The following NRG1 variants were observed in gnomAD, a reference collection of about 807,000 sequenced individuals.
The protein encoded by NRG1 is pro-neuregulin-1, membrane-bound isoform.
NRG1 carries 18 observed loss-of-function variants against 63.8 expected under a neutral mutation model. The observed-to-expected ratio is 0.28, with a 90% CI of 0.19 to 0.42. The LOEUF (loss-of-function observed/expected upper bound fraction) is 0.42. Ranked by LOEUF, NRG1 falls within the 10% of genes least tolerant of loss-of-function variation. The probability of loss-of-function intolerance (pLI) is 1.00; values close to 1 mark genes in which losing one functional copy is unlikely to be tolerated. For synonymous variants in NRG1, 302 were observed against 301.3 expected (o/e 1.00, Z -0.02); for missense variants, 762 against 814.7 (o/e 0.94, Z 0.79).
At chr8:32,694,327 T>C (rs1021598215) in intron 5 of NRG1, among the ~76,000 whole-genome samples, 2 of 152,214 alleles carry the variant, frequency 1.3e-5, no homozygotes, top group Admixed American at 6.5e-5. Flanking sequence ...TTTTTTCCCA[T>C]AGATAAGTGT....
intron 1 of NRG1, among the ~76,000 whole-genome samples, chr8:31,644,294 G>T (rs77709205): frequency 1.3e-5 from 2 of 152,032 alleles, no homozygotes; most frequent in East Asian, 3.9e-4. Context: ...AATCTATACC[G>T]GATTTAAAAT....
intron 1 of NRG1, among the ~76,000 whole-genome samples, chr8:31,908,060 T>C (rs1053059421): frequency 1.3e-5 from 2 of 152,184 alleles, no homozygotes; most frequent in Non-Finnish European, 1.5e-5. Context: ...GCCATGCATA[T>C]GTGTATTTGG....
chr8:31,763,071 A>G (rs559446328), intron 1 of NRG1, among the ~76,000 whole-genome samples: 3 of 152,330 alleles, frequency 2.0e-5, no homozygotes, highest in South Asian at 4.1e-4. Context: ...GAGAAAAATC[A>G]TATAATCATC....
Position 31,898,335 on chromosome 8 carries a change from A to G in NRG1, c.37+258904A>G, listed in dbSNP as rs1415780468. On this transcript the variant is annotated intron_variant, in intron 1 of 10. Coordinates refer to the NRG1 transcript ENST00000519301. The stretch of plus-strand genomic sequence containing the variant: ...TATATTTTAATAACCACTATGTGCC[A>G]GGAACTGTGCTTCATATATATTATT... Among the ~76,000 whole-genome samples, 79 of 152,326 alleles carry G rather than the reference A, an allele frequency of 5.2e-4. 1 individual carries two copies. The highest frequency in any genetic ancestry group is 7.3e-5 in the Non-Finnish European group (5 of 68,038).
At chr8:31,845,139 A>AAATAAATAAATAAATG (rs1374334411) in intron 1 of NRG1, among the ~76,000 whole-genome samples, 2 of 151,870 alleles carry the variant, frequency 1.3e-5, no homozygotes, top group African/African-American at 4.8e-5. Context: ...ATAAATAAAT[A>AAATAAATAAATAAATG]AATAAAACAG....
At chr8:31,726,237 T>A (rs1175808268) in intron 1 of NRG1, among the ~76,000 whole-genome samples, 1 of 152,120 alleles carries the variant, frequency 6.6e-6, no homozygotes, top group Non-Finnish European at 1.5e-5. Context: ...TATATAAGTA[T>A]AACAAATAAA....
chr8:32,410,945 G>A (rs536153712), intron 1 of NRG1, among the ~76,000 whole-genome samples: 3 of 150,626 alleles, frequency 2.0e-5, no homozygotes, highest in Non-Finnish European at 4.4e-5. Context: ...GCGCAATCTC[G>A]GTTCACTGCA....
intron 1 of NRG1, among the ~76,000 whole-genome samples, chr8:31,806,536 C>G (rs17661466): frequency 0.23 from 35,375 of 151,974 alleles, 4,330 homozygotes; most frequent in Admixed American, 0.26. Flanking sequence ...ATATAGATTA[C>G]CTATCTTCCA....
intron 5 of NRG1, chr8:32,647,724 A>T (rs760980564): frequency 6.4e-7 from 1 of 1,562,536 alleles, no homozygotes; most frequent in South Asian, 1.2e-5. Context: ...GCCGATGGAG[A>T]TTTATTCCCC....
At chr8:31,806,028 C>T (rs1477030814) in intron 1 of NRG1, among the ~76,000 whole-genome samples, 1 of 151,874 alleles carries the variant, frequency 6.6e-6, no homozygotes, top group Non-Finnish European at 1.5e-5. Context: ...AGACACATAA[C>T]CAGAGATGAT....
chr8:32,395,921 T>C (rs1414758154), intron 1 of NRG1, among the ~76,000 whole-genome samples: 5 of 152,178 alleles, frequency 3.3e-5, no homozygotes, highest in Non-Finnish European at 7.4e-5. Context: ...GTGCAAGTTA[T>C]GGATCAAAGT....
exon 12 of NRG1, chr8:32,765,665 C>T (rs1284862854): frequency 6.6e-6 from 1 of 152,120 alleles, no homozygotes; most frequent in East Asian, 1.9e-4. Context: ...GATTTGTAAT[C>T]ACAAGTAATG....
intron 1 of NRG1, among the ~76,000 whole-genome samples, chr8:32,436,254 G>C (rs1346345002): frequency 1.3e-5 from 2 of 152,062 alleles, no homozygotes; most frequent in Non-Finnish European, 2.9e-5. Context: ...TCACTACCAC[G>C]AGTATTGTGT....
intron 1 of NRG1, among the ~76,000 whole-genome samples, chr8:32,462,390 A>G (rs2129489289): frequency 6.6e-6 from 1 of 152,300 alleles, no homozygotes; most frequent in South Asian, 2.1e-4. Context: ...AGAGAATTAC[A>G]TTCCTAGAAC....
At chr8:32,380,946 A>C (rs1210381024) in intron 1 of NRG1, among the ~76,000 whole-genome samples, 1 of 152,170 alleles carries the variant, frequency 6.6e-6, no homozygotes, top group Non-Finnish European at 1.5e-5. Context: ...AGCTATGTTG[A>C]AATGTACAAT....
downstream of NRG1, among the ~76,000 whole-genome samples, chr8:32,768,896 C>A (rs796451602): frequency 9.8e-5 from 15 of 152,314 alleles, no homozygotes; most frequent in African/African-American, 3.6e-4. Context: ...CTAGTTATGG[C>A]TCCTCTAGGA....
chr8:32,420,820 A>G (rs1450715261), intron 1 of NRG1, among the ~76,000 whole-genome samples: 1 of 152,162 alleles, frequency 6.6e-6, no homozygotes, highest in Non-Finnish European at 1.5e-5. Context: ...TAGTCCTCAT[A>G]ATCCCCATGT....
At chr8:32,261,480 C>T (rs1370113715) in intron 1 of NRG1, among the ~76,000 whole-genome samples, 1 of 151,986 alleles carries the variant, frequency 6.6e-6, no homozygotes, top group African/African-American at 2.4e-5. Context: ...TTAAGATAGA[C>T]ATTGCTGACA....
chr8:32,683,972 A>T (rs1369959393), intron 5 of NRG1, among the ~76,000 whole-genome samples: 1 of 151,838 alleles, frequency 6.6e-6, no homozygotes, highest in Non-Finnish European at 1.5e-5. Flanking sequence ...AGATGGGTGG[A>T]TCACTTGAGG....
Sources: allele counts gnomAD v4.1 joint callset (sites outside exome capture counted in the v4.1 genomes callset), GRCh38; gene constraint gnomAD v4.1.1; transcripts MANE v1.5; gene names NCBI Gene and HGNC (gene_info 2026-07-23, HGNC 2026-07-21).